Variants in ALOX5AP observed in about 807,000 individuals in gnomAD.
ALOX5AP encodes the protein arachidonate 5-lipoxygenase-activating protein.
ALOX5AP carries 9 observed loss-of-function variants against 18.5 expected under a neutral mutation model. The observed-to-expected ratio is 0.49, with a 90% confidence interval of 0.29 to 0.85. ALOX5AP has a LOEUF of 0.85. ALOX5AP is among the 40% of genes least tolerant of loss of function. The pLI, the probability that ALOX5AP is intolerant of heterozygous loss-of-function variation, is 0.08. For missense variants in ALOX5AP, 172 were observed against 202.5 expected (o/e 0.85, Z 0.91); for synonymous variants, 81 against 78.6 (o/e 1.03, Z -0.16).
At chr13:30,742,338 G>A (rs1951773432) in intron 1 of ALOX5AP, 1 of 151,978 alleles carries the variant, frequency 6.6e-6, no homozygotes, top group Admixed American at 6.6e-5. Flanking sequence ...ACAAAAACCT[G>A]TGGAGCTGAT....
At chr13:30,735,103 T>A (rs1358439020), upstream of ALOX5AP, among the ~76,000 whole-genome samples, 1 of 152,148 alleles carries the variant, frequency 6.6e-6, no homozygotes, top group Admixed American at 6.5e-5. Context: ...CTCAAAGTCC[T>A]GGGCCCAAGC....
At chr13:30,749,297 G>T (rs928576440) in intron 2 of ALOX5AP, among the ~76,000 whole-genome samples, 1 of 152,078 alleles carries the variant, frequency 6.6e-6, no homozygotes, top group African/African-American at 2.4e-5. Context: ...AGACAAAATC[G>T]CTACTTAAAA....
At chr13:30,763,292 A>G (rs776223647) in intron 4 of ALOX5AP, among the ~76,000 whole-genome samples, 3 of 152,226 alleles carry the variant, frequency 2.0e-5, no homozygotes, top group Non-Finnish European at 2.9e-5. Context: ...TGGGCTACAG[A>G]GTGAGACTCT....
intron 2 of ALOX5AP, among the ~76,000 whole-genome samples, chr13:30,745,576 T>C (rs943057393): frequency 5.3e-5 from 8 of 152,268 alleles, no homozygotes; most frequent in East Asian, 1.9e-4. Context: ...AAACTGATTA[T>C]AGAGAGGTTT....
At chr13:30,738,627 G>A (rs1338346245) in intron 1 of ALOX5AP, among the ~76,000 whole-genome samples, 1 of 152,196 alleles carries the variant, frequency 6.6e-6, no homozygotes, top group Non-Finnish European at 1.5e-5. Flanking sequence ...GCTTAGACAT[G>A]ATGCAAACCT....
At chr13:30,733,808 TCC>T (rs1478623827), upstream of ALOX5AP, among the ~76,000 whole-genome samples, 423 of 152,294 alleles carry the variant, frequency 2.8e-3, 3 homozygotes, top group African/African-American at 9.7e-3. Flanking sequence ...ATCCATCTTC[TCC>T]TGCCCTTGGA....
At chr13:30,715,596 A>T (rs1362270387) in intron 1 of ALOX5AP, among the ~76,000 whole-genome samples, 3 of 152,176 alleles carry the variant, frequency 2.0e-5, no homozygotes, top group African/African-American at 4.8e-5. Flanking sequence ...TGGGGTGGGA[A>T]GTCACCCATT....
At chr13:30,716,357 A>G (rs1951550160) in intron 1 of ALOX5AP, among the ~76,000 whole-genome samples, 2 of 152,176 alleles carry the variant, frequency 1.3e-5, no homozygotes, top group South Asian at 4.1e-4. Flanking sequence ...AACATGTAAC[A>G]CAGTTTGGAA....
chr13:30,733,332 G>C (rs1951696700), upstream of ALOX5AP, among the ~76,000 whole-genome samples: 1 of 152,098 alleles, frequency 6.6e-6, no homozygotes. Context: ...AGTTTCTATT[G>C]CTTGCAACTG....
chr13:30,723,840 TC>T (rs1192559467), intron 1 of ALOX5AP, among the ~76,000 whole-genome samples: 1 of 152,190 alleles, frequency 6.6e-6, no homozygotes, highest in Non-Finnish European at 1.5e-5. Flanking sequence ...GCTCAAGCGA[TC>T]CTCCAAACTC....
chr13:30,726,653 T>A (rs1951641814), intron 1 of ALOX5AP, among the ~76,000 whole-genome samples: 2 of 152,204 alleles, frequency 1.3e-5, no homozygotes, highest in South Asian at 4.1e-4. Context: ...TATGTCTTCT[T>A]TATCTTGATA....
At chr13:30,732,862 G>A (rs375208478), upstream of ALOX5AP, among the ~76,000 whole-genome samples, 4 of 151,800 alleles carry the variant, frequency 2.6e-5, no homozygotes, top group South Asian at 8.3e-4. Context: ...AGAAGAGAGA[G>A]AAAAAAGAGG....
chr13:30,736,688 C>T (rs558671067), intron 1 of ALOX5AP, among the ~76,000 whole-genome samples: 1 of 152,200 alleles, frequency 6.6e-6, no homozygotes, highest in Admixed American at 6.5e-5. Flanking sequence ...AAGCCTCCCC[C>T]TCAGCCTCTG....
At chr13:30,729,217 G>C (rs1471325218) in intron 1 of ALOX5AP, among the ~76,000 whole-genome samples, 1 of 151,614 alleles carries the variant, frequency 6.6e-6, no homozygotes, top group Non-Finnish European at 1.5e-5. Flanking sequence ...CCTTCTTCAT[G>C]GTCACAAAGA....
chr13:30,718,973 AT>A (rs1053121255), intron 1 of ALOX5AP, among the ~76,000 whole-genome samples: 2 of 152,062 alleles, frequency 1.3e-5, no homozygotes, highest in African/African-American at 4.8e-5. Flanking sequence ...GTCTAGCTTT[AT>A]TTTTTTGTGT....
intron 1 of ALOX5AP, among the ~76,000 whole-genome samples, chr13:30,726,288 C>A (rs910054578): frequency 2.0e-5 from 3 of 152,180 alleles, no homozygotes; most frequent in African/African-American, 7.2e-5. Context: ...ATTGGACTGC[C>A]ACTTCACAAT....
chr13:30,744,754 G>A (rs763046569), intron 2 of ALOX5AP, among the ~76,000 whole-genome samples: 9 of 152,220 alleles, frequency 5.9e-5, no homozygotes, highest in Non-Finnish European at 1.0e-4. Flanking sequence ...AAAGATGGGT[G>A]CAATCTATTC....
Position 30,744,167 on chromosome 13 carries a change from C to G in ALOX5AP, c.170+8C>G. 1.2e-6 allele frequency: 2 copies of G among 1,613,092 alleles called. No individual in the cohort carries two copies. The highest frequency in any genetic ancestry group is 1.7e-6 in the Non-Finnish European group (2 of 1,179,210). On this transcript the variant is annotated splice_region_variant and intron_variant, in intron 2 of 4. Transcript: ENST00000380490. ...GCGGGTCTACACTGCCAAGTGAGTCCTAACCCTGATGTTGCTAATAAGTGG... is the reference window on the plus strand; with the variant it reads ...GCGGGTCTACACTGCCAAGTGAGTCGTAACCCTGATGTTGCTAATAAGTGG...
chr13:30,729,314 A>AT (rs939410672), intron 1 of ALOX5AP, among the ~76,000 whole-genome samples: 7 of 152,086 alleles, frequency 4.6e-5, no homozygotes, highest in Non-Finnish European at 1.0e-4. Flanking sequence ...AATTTGTGTG[A>AT]TTTTTTGGAA....
Sources: allele counts gnomAD v4.1 joint callset (sites outside exome capture counted in the v4.1 genomes callset), GRCh38; gene constraint gnomAD v4.1.1; transcripts MANE v1.5; gene names NCBI Gene and HGNC (gene_info 2026-07-23, HGNC 2026-07-21).